DDX18: variants seen among roughly 807,000 people sequenced by gnomAD.
The protein encoded by DDX18 is ATP-dependent RNA helicase DDX18.
DDX18 carries 23 observed loss-of-function variants against 73.5 expected under a neutral mutation model. The ratio of observed to expected loss-of-function variants is 0.31; its 90% CI spans 0.23 to 0.44. The LOEUF is 0.44. DDX18 is among the 20% of genes least tolerant of loss of function. The probability of loss-of-function intolerance (pLI) is 1.00; values close to 1 mark genes in which losing one functional copy is unlikely to be tolerated. For synonymous variants in DDX18, 268 were observed against 282.7 expected (o/e 0.95, Z 0.52); for missense variants, 753 against 792.9 (o/e 0.95, Z 0.60).
intron 2 of DDX18, among the ~76,000 whole-genome samples, chr2:117,818,362 A>G (rs1051700479): frequency 3.1e-4 from 47 of 152,330 alleles, no homozygotes; most frequent in African/African-American, 9.9e-4. Flanking sequence ...GTTTATGGCA[A>G]CAGAGATCAT....
intron 5 of DDX18, 51 bp from the exon 6 acceptor site, chr2:117,821,811 G>A (rs750097544): frequency 3.1e-6 from 5 of 1,612,252 alleles, no homozygotes; most frequent in South Asian, 2.2e-5. Flanking sequence ...TAGCTGTTAC[G>A]GACTCAGTGG....
chr2:117,830,048 G>A (rs1310968473), intron 13 of DDX18, among the ~76,000 whole-genome samples: 1 of 152,218 alleles, frequency 6.6e-6, no homozygotes, highest in Non-Finnish European at 1.5e-5. Context: ...CAGCTGAAAT[G>A]AGGCCTGTGC....
rs1410865713 is a variant in DDX18, at chr2:117,832,302, T to G, written c.*1578T>G. Reference sequence around the variant, plus strand: ...AATTTTTTTATCAAAAATTAAGTCATCTACCTACTACTTGTAACCAGCTTG... The same window carrying G: ...AATTTTTTTATCAAAAATTAAGTCAGCTACCTACTACTTGTAACCAGCTTG... On this transcript the variant is annotated 3_prime_UTR_variant, in exon 14 of 14. Transcript: ENST00000263239. The G allele has an allele frequency of 1.3e-5, 2 of 152,250 alleles. No homozygotes were observed. The highest frequency in any genetic ancestry group is 4.8e-5 in the African/African-American group (2 of 41,460). 9.4% of individuals were successfully genotyped at this position (152,250 alleles called of 1,614,324 possible).
At chr2:117,816,064 A>G (rs1331587611) in intron 1 of DDX18, among the ~76,000 whole-genome samples, 3 of 152,324 alleles carry the variant, frequency 2.0e-5, no homozygotes, top group Admixed American at 6.5e-5. Context: ...TAAAAAGACT[A>G]TGACATGAGA....
chr2:117,826,369 T>C lies in DDX18; in HGVS notation c.1622T>C (p.Leu541Ser). Residue 541 changes from leucine (L) to serine (S), a missense_variant, in exon 11 of 14, where the codon TTG becomes TCG. Leu to Ser is a moderately radical substitution (Grantham distance 145). This residue lies in a region of DDX18 where 402 missense variants were observed against 419.4 expected (regional missense o/e 0.96). Transcript: ENST00000263239. Reference sequence around the variant, plus strand: ...GAAGAATTGGGTTTTCTTCGCTACTTGAAACAATCCAAGGTAAAGATCTGT... The same window carrying C: ...GAAGAATTGGGTTTTCTTCGCTACTCGAAACAATCCAAGGTAAAGATCTGT... ...RPEELGFLRY[L>S]KQSKVPLSEF... 1 of 1,613,784 alleles carries C rather than the reference T, an allele frequency of 6.2e-7. No homozygotes were observed. The highest frequency in any genetic ancestry group is 8.5e-7 in the Non-Finnish European group (1 of 1,179,848).
Position 117,821,913 on chromosome 2 carries a change from T to G in DDX18, c.803T>G (p.Phe268Cys). Residue 268 changes from phenylalanine (F) to cysteine (C), a missense_variant, in exon 6 of 14, where the codon TTT becomes TGT. Phe to Cys is a radical substitution (Grantham distance 205). Coordinates refer to ENST00000263239, the MANE Select transcript of DDX18 (RefSeq NM_006773.4). ...ACTAGAGAACTAGCCATGCAAACCT[T>G]TGGTGTTCTTAAGGAGCTGATGACT... ...SPTRELAMQT[F>C]GVLKELMTHH... 1.2e-5 allele frequency: 19 copies of G among 1,614,048 alleles called. No individual in the cohort carries two copies. The highest frequency in any genetic ancestry group is 1.6e-5 in the Non-Finnish European group (19 of 1,179,956).
intron 2 of DDX18, 80 bp from the exon 3 acceptor site, chr2:117,819,569 G>A: frequency 8.1e-7 from 1 of 1,231,348 alleles, no homozygotes; most frequent in African/African-American, 1.6e-5. Context: ...CTTTATATCA[G>A]AGATCTTCTG....
chr2:117,817,692 A>G lies in DDX18; in HGVS notation c.334A>G (p.Lys112Glu). The change falls in exon 2 of 14, where the codon AAG becomes GAG. Residue 112 changes from lysine (K) to glutamate (E), a missense_variant. Coordinates refer to ENST00000263239, the MANE Select transcript of DDX18 (RefSeq NM_006773.4). ...SSNSESKKKK[K>E]KKRKMVNDAE... ...CAATTCAGAATCAAAAAAGAAAAAG[A>G]AGAAAAAGAGAAAAATGGTGAATGA... The G allele has an allele frequency of 6.2e-7, 1 of 1,604,252 alleles. No individual in the cohort carries two copies. Among genetic ancestry groups the G allele is most frequent in the Non-Finnish European group, 8.5e-7 (1 of 1,177,534 alleles).
At chr2:117,824,152 C>T (rs547328430) in intron 7 of DDX18, among the ~76,000 whole-genome samples, 3 of 152,168 alleles carry the variant, frequency 2.0e-5, no homozygotes, top group African/African-American at 4.8e-5. Context: ...TGACTGACTT[C>T]GAAGAATGAG....
intron 10 of DDX18, 59 bp from the exon 11 acceptor site, chr2:117,826,210 C>G: frequency 6.9e-7 from 1 of 1,449,062 alleles, no homozygotes; most frequent in African/African-American, 1.4e-5. Flanking sequence ...GATGCAGATA[C>G]GCAAATGGGC....
chr2:117,821,352 A>G, intron 4 of DDX18, 56 bp downstream of exon 4: 2 of 1,549,178 alleles, frequency 1.3e-6, no homozygotes, highest in Non-Finnish European at 1.7e-6. Flanking sequence ...CTAGTAGATG[A>G]TAAAGAACAT....
intron 9 of DDX18, 46 bp from the exon 10 acceptor site, chr2:117,825,401 C>T (rs1427551498): frequency 6.3e-7 from 1 of 1,588,900 alleles, no homozygotes; most frequent in East Asian, 2.2e-5. Context: ...TACTGCTAGT[C>T]TTCCTCAAGA....
chr2:117,815,820 A>C (rs11689073), intron 1 of DDX18: 1 of 152,008 alleles, frequency 6.6e-6, no homozygotes, highest in East Asian at 1.9e-4. Context: ...CATGCATCGC[A>C]TAACAGGAGG....
Position 117,826,355 on chromosome 2 carries a change from T to G in DDX18, c.1608T>G (p.Gly536=). 6.2e-7 allele frequency: 1 copy of G among 1,613,832 alleles called. No individual in the cohort carries two copies. Among genetic ancestry groups the G allele is most frequent in the Non-Finnish European group, 8.5e-7 (1 of 1,179,956 alleles). The change falls in exon 11 of 14, where the codon GGT becomes GGG. Residue 536 remains glycine (G), a synonymous_variant. Transcript: ENST00000263239. ...ALLILRPEEL[G]FLRYLKQSKV... ...TCATTTTGCGCCCAGAAGAATTGGG[T>G]TTTCTTCGCTACTTGAAACAATCCA...
rs1680009667 is a variant in DDX18, at chr2:117,830,753, C to T, written c.*29C>T. ...CATGCCTTCCTTTCATCTTGAATAA[C>T]TTTGTCCTAAAATGAATTTTTTTTC... On this transcript the variant is annotated 3_prime_UTR_variant, in exon 14 of 14. Coordinates refer to ENST00000263239, the MANE Select transcript of DDX18 (RefSeq NM_006773.4). 6.2e-7 allele frequency: 1 copy of T among 1,600,644 alleles called. No individual in the cohort carries two copies. Among genetic ancestry groups the T allele is most frequent in the Non-Finnish European group, 8.5e-7 (1 of 1,176,710 alleles).
chr2:117,824,405 A>G (rs555840770), intron 7 of DDX18, 164 bp from the exon 8 acceptor site: 1 of 554,014 alleles, frequency 1.8e-6, no homozygotes, highest in Admixed American at 4.4e-5. Flanking sequence ...TTATAGACCT[A>G]GTGTTTCATG....
At chr2:117,817,958 G>A (rs1679786870) in intron 2 of DDX18, among the ~76,000 whole-genome samples, 1 of 152,168 alleles carries the variant, frequency 6.6e-6, no homozygotes, top group Admixed American at 6.5e-5. Flanking sequence ...TAACCTTGAA[G>A]AAAACCTCTC....
chr2:117,815,684 A>G (rs1679744828), intron 1 of DDX18: 1 of 152,260 alleles, frequency 6.6e-6, no homozygotes, highest in African/African-American at 2.4e-5. Flanking sequence ...TCTAATTCCT[A>G]TAGAATAATA....
rs1679722536 is a variant in DDX18 at position 117,814,697 on chromosome 2, G to C, written c.-81G>C. 6 of 1,438,300 alleles carry C rather than the reference G, an allele frequency of 4.2e-6. No individual in the cohort carries two copies. Among genetic ancestry groups the C allele is most frequent in the Non-Finnish European group, 5.8e-6 (6 of 1,038,424 alleles). The allele number at this position is 1,438,300 out of a possible 1,614,324, so 89.1% of individuals were successfully genotyped here. A position where few individuals can be genotyped will look rare whatever the true frequency, so the allele number is the denominator to read the frequency against. On this transcript the variant is annotated 5_prime_UTR_variant, in exon 1 of 14. Transcript: ENST00000263239. ...CCTGTTGGCCGAGCTGCGCACGTGC[G>C]GCCGGAAGGGAAGTAACGTCAGCCT...
Sources: allele counts gnomAD v4.1 joint callset (sites outside exome capture counted in the v4.1 genomes callset), GRCh38; gene constraint gnomAD v4.1.1; regional missense constraint gnomAD v4.1.1; transcripts MANE v1.5; gene names NCBI Gene and HGNC (gene_info 2026-07-23, HGNC 2026-07-21).